The following PRMT3 variants were observed in gnomAD, a reference collection of about 807,000 sequenced individuals.
PRMT3 encodes the protein protein arginine methyltransferase 3.
Under a neutral mutation model 71.9 loss-of-function variants are expected in PRMT3, and 62 were observed. The ratio of observed to expected loss-of-function variants is 0.86; its 90% CI spans 0.70 to 1.07. The LOEUF is 1.07. PRMT3 is among the 50% of genes least tolerant of loss of function. PRMT3 has a pLI of 0.00. For missense variants in PRMT3, 663 were observed against 643.0 expected, an observed-to-expected ratio of 1.03 and a Z score of -0.34; for synonymous variants, 213 against 220.4, an observed-to-expected ratio of 0.97 and a Z score of 0.30.
Position 20,407,849 on chromosome 11 carries a change from T to C in PRMT3, c.772-62T>C. ...GAAACATCATAATATATGAATAGAA[T>C]TTAATATAGAGACCTTTTTGATAAC... On this transcript the variant is annotated intron_variant, in intron 8 of 15. Coordinates refer to ENST00000331079, the MANE Select transcript of PRMT3 (RefSeq NM_005788.4). 4 of 1,453,968 alleles carry C rather than the reference T, an allele frequency of 2.8e-6. 1 individual carries two copies. The South Asian group carries it at 5.0e-5, about 18-fold the overall frequency. The allele number at this position is 1,453,968 out of a possible 1,614,324, so 90.1% of individuals were successfully genotyped here.
intron 10 of PRMT3, among the ~76,000 whole-genome samples, chr11:20,446,388 G>A (rs1025564042): frequency 2.0e-5 from 3 of 151,326 alleles, no homozygotes; most frequent in Admixed American, 1.3e-4. Flanking sequence ...ATTCTTCATT[G>A]GTGATGGAAA....
At chr11:20,474,338 T>C (rs922505479) in intron 13 of PRMT3, among the ~76,000 whole-genome samples, 1 of 152,122 alleles carries the variant, frequency 6.6e-6, no homozygotes, top group Non-Finnish European at 1.5e-5. Flanking sequence ...CCCTGGGAAT[T>C]TGGTGCTTCT....
intron 13 of PRMT3, among the ~76,000 whole-genome samples, chr11:20,486,930 A>C (rs1851087577): frequency 6.6e-6 from 1 of 151,462 alleles, no homozygotes; most frequent in African/African-American, 2.4e-5. Context: ...CATGGCACAC[A>C]CCTCTAGTCC....
intron 11 of PRMT3, among the ~76,000 whole-genome samples, chr11:20,452,475 G>A (rs752555188): frequency 6.6e-6 from 1 of 152,018 alleles, no homozygotes; most frequent in Non-Finnish European, 1.5e-5. Context: ...ACTAGGTTTT[G>A]GAAGCTTTTT....
At chr11:20,397,302 A>T (rs1848846548) in intron 6 of PRMT3, among the ~76,000 whole-genome samples, 1 of 152,240 alleles carries the variant, frequency 6.6e-6, no homozygotes, top group Non-Finnish European at 1.5e-5. Context: ...TTATAAAAGT[A>T]ATATGCTTAT....
At chr11:20,416,408 T>C (rs1424655701) in intron 9 of PRMT3, among the ~76,000 whole-genome samples, 1 of 152,172 alleles carries the variant, frequency 6.6e-6, no homozygotes, top group Admixed American at 6.5e-5. Context: ...GAATGTAAAC[T>C]TTACTAAAAT....
intron 15 of PRMT3, among the ~76,000 whole-genome samples, chr11:20,508,038 G>A (rs1371647611): frequency 4.0e-5 from 6 of 151,586 alleles, no homozygotes; most frequent in Non-Finnish European, 5.9e-5. Context: ...CCCAGGAGGC[G>A]GAGGTTGCAG....
At chr11:20,419,033 G>A (rs923485326) in intron 9 of PRMT3, among the ~76,000 whole-genome samples, 1 of 152,116 alleles carries the variant, frequency 6.6e-6, no homozygotes, top group Non-Finnish European at 1.5e-5. Context: ...ACACATCTGG[G>A]GGGTGTATAC....
chr11:20,444,612 C>A (rs1402398927), intron 10 of PRMT3, among the ~76,000 whole-genome samples: 1 of 152,072 alleles, frequency 6.6e-6, no homozygotes, highest in Non-Finnish European at 1.5e-5. Flanking sequence ...GATAAGAGAA[C>A]ATGCTCTATA....
At chr11:20,469,192 C>T (rs1222475901) in intron 13 of PRMT3, among the ~76,000 whole-genome samples, 2 of 152,060 alleles carry the variant, frequency 1.3e-5, no homozygotes, top group Non-Finnish European at 2.9e-5. Context: ...TTAACCTAGC[C>T]AAAAATGAAC....
At chr11:20,415,017 GGTGTGTGTGTGTGTGTGT>G (rs377570784) in intron 9 of PRMT3, among the ~76,000 whole-genome samples, 1 of 135,316 alleles carries the variant, frequency 7.4e-6, no homozygotes, top group Admixed American at 7.4e-5. Flanking sequence ...TGGTGGTAGT[GGTGTGTGTGTGTGTGTGT>G]GTGTGTGTGT....
At chr11:20,412,814 A>G (rs190566624) in intron 9 of PRMT3, among the ~76,000 whole-genome samples, 3 of 152,274 alleles carry the variant, frequency 2.0e-5, no homozygotes, top group Admixed American at 2.0e-4. Flanking sequence ...TATACCTATT[A>G]TAAGAGATTA....
chr11:20,411,545 AG>A (rs942388651), intron 9 of PRMT3, among the ~76,000 whole-genome samples: 12 of 152,132 alleles, frequency 7.9e-5, no homozygotes, highest in African/African-American at 2.9e-4. Context: ...AGCATAGATA[AG>A]AAGTGCAGTG....
chr11:20,505,073 A>C (rs1363533727), intron 15 of PRMT3, among the ~76,000 whole-genome samples: 6 of 152,170 alleles, frequency 3.9e-5, no homozygotes, highest in Non-Finnish European at 7.4e-5. Context: ...TATTATATAA[A>C]TTCTTCATTG....
intron 15 of PRMT3, among the ~76,000 whole-genome samples, chr11:20,504,745 A>AGAGAGAGAGAGCGC (rs1491497481): frequency 4.2e-5 from 6 of 141,250 alleles, no homozygotes; most frequent in African/African-American, 1.3e-4. Flanking sequence ...AGAGAGAGAG[A>AGAGAGAGAGAGCGC]GCGAGAGCGA....
intron 12 of PRMT3, 129 bp from the exon 13 acceptor site, chr11:20,464,331 T>G: frequency 1.5e-6 from 2 of 1,316,956 alleles, no homozygotes; most frequent in African/African-American, 3.0e-5. Flanking sequence ...TTTGCAAAAC[T>G]TTGGTTTCCA....
intron 13 of PRMT3, among the ~76,000 whole-genome samples, chr11:20,467,867 A>C (rs768358680): frequency 6.6e-6 from 1 of 152,138 alleles, no homozygotes; most frequent in Non-Finnish European, 1.5e-5. Flanking sequence ...TTATTTGTGA[A>C]TCTTAACTAT....
At chr11:20,503,312 A>C (rs550785244) in intron 15 of PRMT3, among the ~76,000 whole-genome samples, 36 of 152,222 alleles carry the variant, frequency 2.4e-4, no homozygotes, top group Middle Eastern at 3.4e-3. Context: ...AGTCTTCATA[A>C]TTGATCTTAT....
At chr11:20,410,567 A>T (rs1168234167) in intron 9 of PRMT3, among the ~76,000 whole-genome samples, 1 of 152,132 alleles carries the variant, frequency 6.6e-6, no homozygotes, top group East Asian at 1.9e-4. Flanking sequence ...TAAAAATATT[A>T]TTTAAAGATA....
Sources: allele counts gnomAD v4.1 joint callset (sites outside exome capture counted in the v4.1 genomes callset), GRCh38; gene constraint gnomAD v4.1.1; transcripts MANE v1.5; gene names NCBI Gene and HGNC (gene_info 2026-07-23, HGNC 2026-07-21).